The following REV1 variants were observed in gnomAD, a reference collection of about 807,000 sequenced individuals.
REV1 encodes the protein REV1 DNA directed polymerase, also known as translesion synthesis protein REV1.
A neutral mutation model predicts 137.4 loss-of-function variants in REV1; 42 were observed. The observed-to-expected ratio is 0.31, with a 90% CI of 0.24 to 0.40. REV1 has a LOEUF of 0.40. Among genes scored for constraint, REV1 ranks in the 10% least tolerant of loss-of-function variants. The pLI is 1.00. For missense variants in REV1, 1,282 were observed against 1,490.1 expected (o/e 0.86, Z 2.30); for synonymous variants, 524 against 519.2 (o/e 1.01, Z -0.12).
In REV1 at chr2:99,438,962, TCTGG is replaced by T; in HGVS notation, c.848_851del (p.Thr283LysfsTer85). 1 of 1,614,224 alleles carries T rather than the reference TCTGG, an allele frequency of 6.2e-7. No homozygotes were observed. Among genetic ancestry groups the T allele is most frequent in the Non-Finnish European group, 8.5e-7 (1 of 1,180,006 alleles). On this transcript the variant is annotated frameshift_variant, in exon 6 of 23. Coordinates refer to ENST00000258428, the MANE Select transcript of REV1 (RefSeq NM_016316.4). LOFTEE classifies it high-confidence loss of function. ...GTGGATTCCGCAAAGCATCTGTGTT[TCTGG>T]TGCTTTGCTGCAACTGCTGCAGAGT... is the stretch of plus-strand genomic sequence containing the variant.
At chr2:99,486,021 C>A (rs184729389) in intron 1 of REV1, among the ~76,000 whole-genome samples, 202 of 152,252 alleles carry the variant, frequency 1.3e-3, no homozygotes, top group African/African-American at 4.6e-3. Context: ...GCTACTCGAG[C>A]GCCTGAGGCG....
At chr2:99,410,646 A>C (rs1677005964) in intron 14 of REV1, 49 bp downstream of exon 14, 2 of 1,464,646 alleles carry the variant, frequency 1.4e-6, no homozygotes, top group Non-Finnish European at 1.8e-6. Context: ...TACTTACAAC[A>C]ACCTGTACTG....
intron 3 of REV1, among the ~76,000 whole-genome samples, chr2:99,458,936 C>T (rs570931666): frequency 3.0e-4 from 45 of 152,092 alleles, no homozygotes; most frequent in Non-Finnish European, 4.3e-4. Context: ...AGGCCGGGCG[C>T]GGTGGCTCAC....
At chr2:99,413,034 C>A in intron 12 of REV1, 83 bp from the exon 13 acceptor site, 2 of 929,844 alleles carry the variant, frequency 2.2e-6, no homozygotes, top group South Asian at 1.4e-5. Context: ...CATTTATGCA[C>A]AAAACAACTA....
intron 7 of REV1, chr2:99,435,599 C>A: frequency 3.3e-6 from 1 of 306,116 alleles, no homozygotes; most frequent in Admixed American, 5.1e-5. Flanking sequence ...CTACATTAGT[C>A]TTCGATGACA....
At chr2:99,408,171 T>C in intron 14 of REV1, 40 bp from the exon 15 acceptor site, 1 of 1,241,436 alleles carries the variant, frequency 8.1e-7, no homozygotes, top group Non-Finnish European at 1.2e-6. Context: ...CTTCATTCCA[T>C]ATGTATTCAC....
chr2:99,480,556 G>A (rs1223698847), intron 1 of REV1, among the ~76,000 whole-genome samples: 1 of 152,178 alleles, frequency 6.6e-6, no homozygotes, highest in African/African-American at 2.4e-5. Context: ...ATAAATCTTA[G>A]CAGAAGTCCT....
At chr2:99,401,384 G>GAATT (rs1559268829) in intron 22 of REV1, 32 bp from the exon 23 acceptor site, 1 of 1,441,916 alleles carries the variant, frequency 6.9e-7, no homozygotes, top group African/African-American at 1.4e-5. Context: ...ATGTCATTAG[G>GAATT]AATTAGGAAA....
chr2:99,483,619 A>G (rs996927682), intron 1 of REV1, among the ~76,000 whole-genome samples: 3 of 152,256 alleles, frequency 2.0e-5, no homozygotes, highest in Non-Finnish European at 4.4e-5. Context: ...CAACTGCATT[A>G]TAATAGAGGA....
chr2:99,484,603 A>G (rs1686954241), intron 1 of REV1, among the ~76,000 whole-genome samples: 1 of 141,824 alleles, frequency 7.1e-6, no homozygotes, highest in Admixed American at 7.2e-5. Context: ...TAAATATGAG[A>G]AAAACATTAA....
chr2:99,424,202 A>G lies in REV1; in HGVS notation c.1626T>C (p.Asp542=), dbSNP rs980949851. 3.1e-6 allele frequency: 5 copies of G among 1,613,916 alleles called. No homozygotes were observed. Among genetic ancestry groups the G allele is most frequent in the Admixed American group, 1.7e-5 (1 of 60,008 alleles). ...LCPNLQAVPY[D]FHAYKEVAQT... ...GTGCGACTTCCTTATATGCATGAAAATCGTATGGAACAGCTTGAAGATTAG... is the reference window on the plus strand; with the variant it reads ...GTGCGACTTCCTTATATGCATGAAAGTCGTATGGAACAGCTTGAAGATTAG... Residue 542 remains aspartate (D), a synonymous_variant, in exon 10 of 23, where the codon GAT becomes GAC. Transcript: ENST00000258428.
At chr2:99,437,412 G>A (rs1398796090) in intron 6 of REV1, among the ~76,000 whole-genome samples, 1 of 152,074 alleles carries the variant, frequency 6.6e-6, no homozygotes, top group Non-Finnish European at 1.5e-5. Flanking sequence ...GCCTAAGAGT[G>A]GCAGAGTAAG....
intron 19 of REV1, 85 bp from the exon 20 acceptor site, chr2:99,403,191 C>A: frequency 8.9e-7 from 1 of 1,121,556 alleles, no homozygotes; most frequent in African/African-American, 1.6e-5. Context: ...TTTCTCCTCC[C>A]AAATACAACA....
chr2:99,463,231 TA>T (rs2105128089), intron 2 of REV1, among the ~76,000 whole-genome samples: 1 of 151,600 alleles, frequency 6.6e-6, no homozygotes, highest in African/African-American at 2.4e-5. Flanking sequence ...TCAATAATAA[TA>T]ATACTGGCTG....
chr2:99,420,273 T>C (rs1678482738), intron 11 of REV1, among the ~76,000 whole-genome samples: 1 of 152,192 alleles, frequency 6.6e-6, no homozygotes, highest in African/African-American at 2.4e-5. Flanking sequence ...TCCTGCTGGC[T>C]GGGGAGAGAC....
intron 1 of REV1, among the ~76,000 whole-genome samples, chr2:99,479,610 C>A (rs775766207): frequency 6.6e-6 from 1 of 151,628 alleles, no homozygotes; most frequent in Non-Finnish European, 1.5e-5. Context: ...AGCAACACAG[C>A]AAGACCTCAT....
chr2:99,479,031 T>G (rs955816507), intron 1 of REV1, among the ~76,000 whole-genome samples: 3 of 152,128 alleles, frequency 2.0e-5, no homozygotes, highest in South Asian at 2.1e-4. Flanking sequence ...AAGGTTTTAA[T>G]TAGATTGCAG....
At chr2:99,466,494 T>C (rs1377378815) in intron 1 of REV1, among the ~76,000 whole-genome samples, 22 of 152,084 alleles carry the variant, frequency 1.4e-4, no homozygotes, top group Admixed American at 1.4e-3. Flanking sequence ...TGCCCGCCTA[T>C]GCCTCCCAAA....
intron 1 of REV1, among the ~76,000 whole-genome samples, chr2:99,475,982 C>CA (rs1416532348): frequency 2.6e-5 from 4 of 151,794 alleles, no homozygotes; most frequent in Non-Finnish European, 5.9e-5. Flanking sequence ...GACTTCGTCT[C>CA]AAAAAAATAA....
Sources: allele counts gnomAD v4.1 joint callset (sites outside exome capture counted in the v4.1 genomes callset), GRCh38; gene constraint gnomAD v4.1.1; transcripts MANE v1.5; gene names NCBI Gene and HGNC (gene_info 2026-07-23, HGNC 2026-07-21).